TBC1D8: variants seen among roughly 807,000 people sequenced by gnomAD.
TBC1D8 encodes the protein TBC1 domain family member 8.
A neutral mutation model predicts 118.8 loss-of-function variants in TBC1D8; 65 were observed. The observed-to-expected ratio is 0.55, with a 90% CI of 0.45 to 0.67. TBC1D8 has a LOEUF of 0.67. Among genes scored for constraint, TBC1D8 ranks in the 30% least tolerant of loss-of-function variants. TBC1D8 has a pLI of 0.00. For synonymous variants in TBC1D8, 566 were observed against 595.8 expected (o/e 0.95, Z 0.73); for missense variants, 1,376 against 1,471.2 (o/e 0.94, Z 1.06).
In TBC1D8 at chr2:101,023,132, G is replaced by GT. The variant is rs113530011; in HGVS notation, c.2521-612dup. Among the ~76,000 whole-genome samples the GT allele has an allele frequency of 3.7e-3, 519 of 139,058 alleles. 8 individuals carry two copies. The highest frequency in any genetic ancestry group is 0.013 in the African/African-American group (495 of 38,592). The allele number at this position is 139,058 out of a possible 152,430, so 91.2% of individuals were successfully genotyped here. On this transcript the variant is annotated intron_variant, in intron 15 of 19. Transcript: ENST00000409318. ...TGCACTCCAGCCTGGGCAACAGAGC[G>GT]TTTTTTTTGTTTGTTTGTTTTCCTT...
intron 7 of TBC1D8, 64 bp downstream of exon 7, chr2:101,038,397 C>A: frequency 6.4e-7 from 1 of 1,560,792 alleles, no homozygotes; most frequent in Non-Finnish European, 8.7e-7. Flanking sequence ...CATGTGTACT[C>A]CCCTTTGGAG....
chr2:101,106,580 C>T (rs759653156), intron 1 of TBC1D8, among the ~76,000 whole-genome samples: 1 of 152,248 alleles, frequency 6.6e-6, no homozygotes, highest in Admixed American at 6.5e-5. Flanking sequence ...AGGTTAACAA[C>T]TCTGAAACTA....
chr2:101,121,864 G>A (rs567213360), intron 1 of TBC1D8, among the ~76,000 whole-genome samples: 3 of 152,086 alleles, frequency 2.0e-5, no homozygotes, highest in East Asian at 3.9e-4. Context: ...TCAAGAGTTC[G>A]AGACCAGCCT....
At chr2:101,069,090 G>T (rs1349797200) in intron 2 of TBC1D8, among the ~76,000 whole-genome samples, 2 of 151,542 alleles carry the variant, frequency 1.3e-5, no homozygotes, top group Non-Finnish European at 2.9e-5. Flanking sequence ...ATGAGAGCAG[G>T]AGTTCGGAAC....
At chr2:101,126,413 G>A (rs562897580) in intron 1 of TBC1D8, among the ~76,000 whole-genome samples, 65 of 152,276 alleles carry the variant, frequency 4.3e-4, no homozygotes, top group African/African-American at 1.3e-3. Context: ...TCTACCACAA[G>A]CTTCTCTGCT....
At chr2:101,139,413 C>A (rs1056708423) in intron 1 of TBC1D8, among the ~76,000 whole-genome samples, 1 of 152,168 alleles carries the variant, frequency 6.6e-6, no homozygotes, top group South Asian at 2.1e-4. Flanking sequence ...AGTCTCCAGC[C>A]CGCTCCCACG....
chr2:101,105,319 G>C (rs141479327), intron 1 of TBC1D8, among the ~76,000 whole-genome samples: 4 of 151,992 alleles, frequency 2.6e-5, no homozygotes, highest in Admixed American at 6.6e-5. Flanking sequence ...TTAAAAATAG[G>C]CAAAAAATCT....
At chr2:101,028,010 A>G in intron 14 of TBC1D8, 38 bp downstream of exon 14, 1 of 1,600,774 alleles carries the variant, frequency 6.2e-7, no homozygotes, top group Non-Finnish European at 8.6e-7. Flanking sequence ...TTGGCTCCCC[A>G]ATACCGTGAT....
At chr2:101,065,145 T>C (rs924365253) in intron 2 of TBC1D8, among the ~76,000 whole-genome samples, 33 of 152,206 alleles carry the variant, frequency 2.2e-4, no homozygotes, top group African/African-American at 7.5e-4. Flanking sequence ...TGATCCAAGC[T>C]TGTTTTCAAA....
At chr2:101,015,593 T>G (rs1316297810) in intron 17 of TBC1D8, among the ~76,000 whole-genome samples, 1 of 152,252 alleles carries the variant, frequency 6.6e-6, no homozygotes, top group Non-Finnish European at 1.5e-5. Flanking sequence ...AAAAAATCTT[T>G]TTAACTTTTC....
Position 101,007,975 on chromosome 2 carries a change from G to C in TBC1D8, c.3314C>G (p.Ala1105Gly), listed in dbSNP as rs745340648. Residue 1105 changes from alanine to glycine, a missense_variant, in exon 20 of 20, where the codon GCT becomes GGT. Coordinates refer to ENST00000409318, the MANE Select transcript of TBC1D8 (RefSeq NM_001330348.2). ...DWTVSLEHIL[A>G]SLLTEQSLVN... Reference sequence around the variant, plus strand: ...TAATGACTGTTCAGTCAGAAGTGAAGCTAAAATATGTTCAAGGGAGACAGT... The same window carrying C: ...TAATGACTGTTCAGTCAGAAGTGAACCTAAAATATGTTCAAGGGAGACAGT... 1 of 1,614,018 alleles carries C rather than the reference G, an allele frequency of 6.2e-7. No individual in the cohort carries two copies. The highest frequency in any genetic ancestry group is 1.7e-5 in the Admixed American group (1 of 60,024).
intron 13 of TBC1D8, 55 bp from the exon 14 acceptor site, chr2:101,028,201 A>AAC: frequency 6.2e-7 from 1 of 1,608,690 alleles, no homozygotes; most frequent in Non-Finnish European, 8.5e-7. Flanking sequence ...AAAGTGTGGA[A>AAC]ACAGGAAGTG....
chr2:101,054,369 G>A (rs1356413335), intron 3 of TBC1D8, 33 bp from the exon 4 acceptor site: 3 of 1,547,960 alleles, frequency 1.9e-6, no homozygotes, highest in East Asian at 4.9e-5. Flanking sequence ...CCTGCTCAGT[G>A]AGCCAGCAAT....
intron 1 of TBC1D8, among the ~76,000 whole-genome samples, chr2:101,142,941 A>G (rs1287985095): frequency 6.6e-6 from 1 of 152,168 alleles, no homozygotes; most frequent in Non-Finnish European, 1.5e-5. Flanking sequence ...AACTTACCTT[A>G]AATACTCTTA....
chr2:101,128,598 C>T (rs1321434277), intron 1 of TBC1D8, among the ~76,000 whole-genome samples: 1 of 152,174 alleles, frequency 6.6e-6, no homozygotes, highest in Non-Finnish European at 1.5e-5. Context: ...TGGGTCTATA[C>T]CCAAAAGTGA....
intron 2 of TBC1D8, among the ~76,000 whole-genome samples, chr2:101,079,591 G>A (rs1364625609): frequency 6.7e-6 from 1 of 150,124 alleles, no homozygotes; most frequent in Non-Finnish European, 1.5e-5. Flanking sequence ...ACCCAAGTTG[G>A]TCTGAAACTC....
intron 1 of TBC1D8, among the ~76,000 whole-genome samples, chr2:101,096,827 A>C (rs1676487534): frequency 6.8e-6 from 1 of 146,170 alleles, no homozygotes; most frequent in Non-Finnish European, 1.5e-5. Context: ...GAGACAGCAC[A>C]AGGAATAGAA....
chr2:101,037,463 C>G, intron 8 of TBC1D8, 69 bp downstream of exon 8: 1 of 1,564,766 alleles, frequency 6.4e-7, no homozygotes, highest in South Asian at 1.2e-5. Context: ...GTGACTCAGA[C>G]AGCTGGGCAA....
At chr2:101,076,931 G>A (rs1451139759) in intron 2 of TBC1D8, among the ~76,000 whole-genome samples, 2 of 152,176 alleles carry the variant, frequency 1.3e-5, no homozygotes, top group Admixed American at 1.3e-4. Context: ...GGGAGCCTCA[G>A]GAAGCTTCCA....
Sources: gnomAD v4.1 joint callset for allele counts (sites outside exome capture counted in the v4.1 genomes callset) on GRCh38, gnomAD v4.1.1 for gene constraint, MANE v1.5 for transcripts, NCBI Gene and HGNC (gene_info 2026-07-23, HGNC 2026-07-21) for gene names.